FKBP15: variants seen among roughly 807,000 people sequenced by gnomAD.
FKBP15 encodes the protein FKBP prolyl isomerase family member 15.
A neutral mutation model predicts 158.1 loss-of-function variants in FKBP15; 106 were observed. The observed-to-expected ratio is 0.67, with a 90% CI of 0.57 to 0.79. The LOEUF (loss-of-function observed/expected upper bound fraction) is 0.79. Among genes scored for constraint, FKBP15 ranks in the 30% least tolerant of loss-of-function variants. The pLI, the probability that FKBP15 is intolerant of heterozygous loss-of-function variation, is 0.00. For synonymous variants in FKBP15, 547 were observed against 548.6 expected (o/e 1.00, Z 0.04); for missense variants, 1,287 against 1,479.1 (o/e 0.87, Z 2.13).
rs1403665171 is a variant in FKBP15, at chr9:113,163,607, A to ATAAG, written c.*2467_*2470dup. On this transcript the variant is annotated 3_prime_UTR_variant, in exon 28 of 28. Coordinates refer to ENST00000238256, the MANE Select transcript of FKBP15 (RefSeq NM_015258.2). ...CCTATTTCCCTTTCTTGGGGAGAGA[A>ATAAG]TAAGTGACAGCTGATTAAAGGCAGA... is the stretch of plus-strand genomic sequence containing the variant. The ATAAG allele has an allele frequency of 2.6e-5, 4 of 152,464 alleles. No homozygotes were observed. Among genetic ancestry groups the ATAAG allele is most frequent in the Non-Finnish European group, 4.4e-5 (3 of 68,038 alleles). 9.4% of individuals were successfully genotyped at this position (152,464 alleles called of 1,614,324 possible). A position where few individuals can be genotyped will look rare whatever the true frequency, so the allele number is the denominator to read the frequency against.
In FKBP15 at chr9:113,169,870, TTTC is replaced by T. The variant is rs113480096; in HGVS notation, c.2836_2838del (p.Glu946del). ...GGTCTTCGTGGCCGCTCTTCTGCTT[TTTC>T]TTCTTCTTCTTCACTGCTGCTCTCT... On this transcript the variant is annotated inframe_deletion, in exon 26 of 28. Transcript: ENST00000238256. The T allele has an allele frequency of 2.1e-5, 32 of 1,550,134 alleles. No individual in the cohort carries two copies. Among genetic ancestry groups the T allele is most frequent in the African/African-American group, 4.1e-5 (3 of 72,882 alleles).
Position 113,207,227 on chromosome 9 carries a change from A to G in FKBP15, c.239T>C (p.Val80Ala). ...AGCGACTTACTATCGATATGCATGG[A>G]CTGCTGTTGCGACCAGTATTGTGGG... is the stretch of plus-strand genomic sequence containing the variant. Reference protein sequence around the residue: ...STPTILVATAVHAYRYTNGQY... With the variant: ...STPTILVATAAHAYRYTNGQY... The change falls in exon 3 of 28, where the codon GTC becomes GCC. Residue 80 changes from valine (V) to alanine (A), a missense_variant. By Grantham distance (64) the Val-to-Ala change is moderately conservative. Coordinates refer to ENST00000238256, the MANE Select transcript of FKBP15 (RefSeq NM_015258.2). 1 of 1,612,696 alleles carries G rather than the reference A, an allele frequency of 6.2e-7. No homozygotes were observed. Among genetic ancestry groups the G allele is most frequent in the Non-Finnish European group, 8.5e-7 (1 of 1,179,208 alleles).
intron 11 of FKBP15, among the ~76,000 whole-genome samples, chr9:113,192,073 A>T (rs16926505): frequency 0.011 from 1,675 of 152,200 alleles, 34 homozygotes; most frequent in African/African-American, 0.038. Context: ...GGAGGCCATT[A>T]GTCTGCTAGA....
At chr9:113,199,050 T>C (rs941659615) in intron 7 of FKBP15, 127 bp from the exon 8 acceptor site, 10 of 651,704 alleles carry the variant, frequency 1.5e-5, no homozygotes, top group African/African-American at 3.6e-5. Context: ...ACTGGGAAGA[T>C]AGTTTCTAAA....
At chr9:113,206,694 A>T in intron 3 of FKBP15, 116 bp from the exon 4 acceptor site, 1 of 665,010 alleles carries the variant, frequency 1.5e-6, no homozygotes, top group Non-Finnish European at 2.5e-6. Flanking sequence ...AGGCAGGGAC[A>T]CAGGTGAGCG....
At position 113,165,435 on chromosome 9, in the gene FKBP15, A is replaced by G. The variant is rs1316072545; in HGVS notation, c.*643T>C. 6.7e-6 allele frequency: 1 copy of G among 150,192 alleles called. No individual in the cohort carries two copies. The highest frequency in any genetic ancestry group is 1.9e-4 in the East Asian group (1 of 5,176). The allele number at this position is 150,192 out of a possible 1,614,324, so 9.3% of individuals were successfully genotyped here. A position where few individuals can be genotyped will look rare whatever the true frequency, so the allele number is the denominator to read the frequency against. On this transcript the variant is annotated 3_prime_UTR_variant, in exon 28 of 28. Transcript: ENST00000238256. Reference sequence around the variant, plus strand: ...GTTTTGTGCACATTAACTGACCCAGATCTGTAAGACTCCTACCCTTAGATT... The same window carrying G: ...GTTTTGTGCACATTAACTGACCCAGGTCTGTAAGACTCCTACCCTTAGATT...
chr9:113,169,016 G>GCCACACTACCGCAGGGCCCA (rs1469453556), intron 26 of FKBP15, among the ~76,000 whole-genome samples: 6 of 151,368 alleles, frequency 4.0e-5, no homozygotes, highest in African/African-American at 1.5e-4. Flanking sequence ...CGCAGGGCCC[G>GCCACACTACCGCAGGGCCCA]CCACACTACC....
At chr9:113,174,647 C>A in intron 21 of FKBP15, 64 bp from the exon 22 acceptor site, 1 of 1,502,616 alleles carries the variant, frequency 6.7e-7, no homozygotes, top group Non-Finnish European at 9.0e-7. Flanking sequence ...GGGATGATGG[C>A]GGTGGCAGTT....
At position 113,169,588 on chromosome 9, in the gene FKBP15, G is replaced by T. The variant is rs746000522; in HGVS notation, c.3121C>A (p.Pro1041Thr). Reference protein sequence around the residue: ...CIPSHRVLGPPTSIPPEPLGP... With the variant: ...CIPSHRVLGPTTSIPPEPLGP... The stretch of plus-strand genomic sequence containing the variant: ...AGGGGCTCAGGTGGAATTGAAGTCG[G>T]GGGCCCTAGAACTCTGTGGGATGGG... The change falls in exon 26 of 28, where the codon CCG becomes ACG. Residue 1041 changes from proline to threonine, a missense_variant. Pro to Thr is a conservative substitution (Grantham distance 38). Coordinates refer to ENST00000238256, the MANE Select transcript of FKBP15 (RefSeq NM_015258.2). 9 of 1,613,928 alleles carry T rather than the reference G, an allele frequency of 5.6e-6. No homozygotes were observed. In the Admixed American group the frequency reaches 1.2e-4, roughly 21 times the overall value.
rs1222070706 is a variant in FKBP15, at chr9:113,161,238, A to G, written c.*4840T>C. ...ACAAGAAGTCACGACAGATTTGTGC[A>G]GCCTGCTGGGGGAGTGGGTGGGGTA... is the stretch of plus-strand genomic sequence containing the variant. On this transcript the variant is annotated 3_prime_UTR_variant, in exon 28 of 28. Coordinates refer to ENST00000238256, the MANE Select transcript of FKBP15 (RefSeq NM_015258.2). 3 of 464,810 alleles carry G rather than the reference A, an allele frequency of 6.5e-6. No individual in the cohort carries two copies. Among genetic ancestry groups the G allele is most frequent in the Admixed American group, 8.2e-5 (2 of 24,522 alleles). 28.8% of individuals were successfully genotyped at this position (464,810 alleles called of 1,614,324 possible).
In FKBP15 at chr9:113,176,560, C is replaced by G; in HGVS notation, c.2200G>C (p.Val734Leu). The part of the protein sequence containing the change: ...SLEEELTDLR[V>L]EKESLEKNLS... ...ACCTTTTCCAAGGACTCCTTCTCAA[C>G]TCGAAGGTCAGTCAGTTCCTCCTCC... Residue 734 changes from valine to leucine, a missense_variant, in exon 21 of 28, where the codon GTT becomes CTT. Val to Leu is a conservative substitution (Grantham distance 32). Transcript: ENST00000238256. 2 of 1,560,506 alleles carry G rather than the reference C, an allele frequency of 1.3e-6. No homozygotes were observed. The highest frequency in any genetic ancestry group is 1.7e-6 in the Non-Finnish European group (2 of 1,150,522).
At chr9:113,200,838 G>C (rs1162345442) in intron 6 of FKBP15, among the ~76,000 whole-genome samples, 1 of 152,048 alleles carries the variant, frequency 6.6e-6, no homozygotes, top group Non-Finnish European at 1.5e-5. Flanking sequence ...AAGGTCAAGA[G>C]ATCGAGACCA....
intron 2 of FKBP15, among the ~76,000 whole-genome samples, chr9:113,207,820 G>C (rs1372806939): frequency 2.0e-5 from 3 of 152,186 alleles, no homozygotes; most frequent in African/African-American, 7.2e-5. Context: ...CCATGATAGT[G>C]CCTAGGTCTG....
intron 21 of FKBP15, 115 bp from the exon 22 acceptor site, chr9:113,174,698 A>T (rs1587952586): frequency 1.8e-6 from 2 of 1,120,630 alleles, no homozygotes; most frequent in East Asian, 5.3e-5. Flanking sequence ...TGAAAACTCC[A>T]TTTTTTAGTT....
chr9:113,201,872 G>A (rs1363345222), intron 6 of FKBP15, among the ~76,000 whole-genome samples: 2 of 152,208 alleles, frequency 1.3e-5, no homozygotes, highest in Admixed American at 6.5e-5. Flanking sequence ...AAATAAGCAT[G>A]ATAAAGAACT....
chr9:113,184,726 A>T lies in FKBP15; in HGVS notation c.1577T>A (p.Val526Glu). The T allele has an allele frequency of 6.2e-7, 1 of 1,608,340 alleles. No homozygotes were observed. The highest frequency in any genetic ancestry group is 8.5e-7 in the Non-Finnish European group (1 of 1,177,172). ...NTEIRMAVSK[V>E]ADKMDHLMTK... ...CATGAGATGATCCATTTTATCAGCC[A>T]CTTTGCTGACTGCCATTCGAATTTC... Residue 526 changes from valine (V) to glutamate (E), a missense_variant, in exon 16 of 28, where the codon GTG (valine) becomes GAG (glutamate). Coordinates refer to ENST00000238256, the MANE Select transcript of FKBP15 (RefSeq NM_015258.2). The surrounding 1 kb of genome is among the most constrained non-coding windows in gnomAD (Gnocchi z 4.5).
intron 27 of FKBP15, 135 bp from the exon 28 acceptor site, chr9:113,166,290 T>TGGGTCAGAAAG: frequency 1.5e-6 from 1 of 679,216 alleles, no homozygotes; most frequent in Non-Finnish European, 2.5e-6. Context: ...GGGCCAACTC[T>TGGGTCAGAAAG]GAGGCCAGCA....
chr9:113,200,011 G>A (rs1178358739), intron 6 of FKBP15, 48 bp from the exon 7 acceptor site: 2 of 1,562,886 alleles, frequency 1.3e-6, no homozygotes, highest in Admixed American at 1.9e-5. Context: ...AGCTCAATAA[G>A]TACTCATTCC....
At chr9:113,188,242 A>T in intron 13 of FKBP15, 147 bp downstream of exon 13, 1 of 682,552 alleles carries the variant, frequency 1.5e-6, no homozygotes, top group South Asian at 1.9e-5. Flanking sequence ...TGCCTTACCC[A>T]GGGACAAACT....
Sources: allele counts gnomAD v4.1 joint callset (sites outside exome capture counted in the v4.1 genomes callset), GRCh38; gene constraint gnomAD v4.1.1; non-coding constraint Gnocchi (gnomAD v3.1); transcripts MANE v1.5; gene names NCBI Gene and HGNC (gene_info 2026-07-23, HGNC 2026-07-21).